RASA1: variants seen among roughly 807,000 people sequenced by gnomAD.
The protein encoded by RASA1 is RAS p21 protein activator 1.
A neutral mutation model predicts 132.2 loss-of-function variants in RASA1; 25 were observed. The observed-to-expected ratio is 0.19, with a 90% confidence interval of 0.14 to 0.26. The LOEUF (loss-of-function observed/expected upper bound fraction) is 0.26. Among genes scored for constraint, RASA1 ranks in the 10% least tolerant of loss-of-function variants. RASA1 has a pLI of 1.00. For synonymous variants in RASA1, 477 were observed against 449.9 expected, an observed-to-expected ratio of 1.06 and a Z score of -0.76; for missense variants, 964 against 1,299.2, an observed-to-expected ratio of 0.74 and a Z score of 3.97.
At chr5:87,308,641 AAC>A (rs1352901665) in intron 1 of RASA1, among the ~76,000 whole-genome samples, 1 of 152,216 alleles carries the variant, frequency 6.6e-6, no homozygotes, top group African/African-American at 2.4e-5. Context: ...GCATTTGTAT[AAC>A]ACATAAGTAT....
chr5:87,312,233 G>T (rs1263195197), intron 1 of RASA1, among the ~76,000 whole-genome samples: 1 of 152,152 alleles, frequency 6.6e-6, no homozygotes, highest in Non-Finnish European at 1.5e-5. Flanking sequence ...GTAAGTAATA[G>T]TCTTCATATA....
chr5:87,367,827 G>A (rs1467157109), intron 11 of RASA1, among the ~76,000 whole-genome samples: 5 of 151,884 alleles, frequency 3.3e-5, no homozygotes, highest in Admixed American at 6.6e-5. Context: ...CAACATTTTC[G>A]TTGTCATTCA....
chr5:87,287,597 T>C (rs879335030), intron 1 of RASA1, among the ~76,000 whole-genome samples: 1 of 148,910 alleles, frequency 6.7e-6, no homozygotes, highest in Admixed American at 6.7e-5. Context: ...ACACCATACA[T>C]ATACACGCCA....
Position 87,292,809 on chromosome 5 carries a change from T to C in RASA1, c.539+23819T>C, listed in dbSNP as rs143431376. On this transcript the variant is annotated intron_variant, in intron 1 of 24. Coordinates refer to ENST00000274376, the MANE Select transcript of RASA1 (RefSeq NM_002890.3). Reference sequence around the variant, plus strand: ...GTATCTCTGCATTTATTTAGTTCTTTGTTATCTTCCATCATAGTTTTGTAG... The same window carrying C: ...GTATCTCTGCATTTATTTAGTTCTTCGTTATCTTCCATCATAGTTTTGTAG... 5.8e-3 allele frequency among the ~76,000 whole-genome samples: 890 copies of C among 152,320 alleles called. 4 individuals carry two copies. The highest frequency in any genetic ancestry group is 0.019 in the African/African-American group (803 of 41,576).
At chr5:87,330,777 A>G (rs1580278148) in intron 1 of RASA1, among the ~76,000 whole-genome samples, 2 of 152,210 alleles carry the variant, frequency 1.3e-5, no homozygotes, top group African/African-American at 4.8e-5. Context: ...TGCAAATGTA[A>G]AATGTATAGT....
At chr5:87,374,042 A>G (rs940511665) in intron 13 of RASA1, 121 bp from the exon 14 acceptor site, 12 of 864,058 alleles carry the variant, frequency 1.4e-5, no homozygotes, top group East Asian at 4.7e-5. Context: ...ACATTTTCTG[A>G]AAAAAAAGGG....
intron 1 of RASA1, among the ~76,000 whole-genome samples, chr5:87,297,149 T>TA (rs1277619184): frequency 2.6e-5 from 4 of 152,222 alleles, no homozygotes; most frequent in Non-Finnish European, 1.5e-5. Flanking sequence ...TTTCTCTGCT[T>TA]ACATTGTCTA....
intron 1 of RASA1, among the ~76,000 whole-genome samples, chr5:87,325,460 T>G (rs1383167556): frequency 6.6e-6 from 1 of 152,364 alleles, no homozygotes; most frequent in East Asian, 1.9e-4. Context: ...CAATTTAGTT[T>G]TAGAAGACAC....
Position 87,278,500 on chromosome 5 carries a change from C to G in RASA1, c.539+9510C>G, listed in dbSNP as rs192981799. Among the ~76,000 whole-genome samples, 44 of 152,012 alleles carry G rather than the reference C, an allele frequency of 2.9e-4. No homozygotes were observed. In the Middle Eastern group the frequency reaches 0.017, roughly 59 times the overall value. ...GGCAGAGTTTGCAGTGAGCCGAGAT[C>G]ATGCCACTGCACTCCAGCCTGGGCG... On this transcript the variant is annotated intron_variant, in intron 1 of 24. Transcript: ENST00000274376.
At position 87,338,087 on chromosome 5, in the gene RASA1, A is replaced by T. The variant is rs1348489366; in HGVS notation, c.1013A>T (p.Glu338Val). ...CTTATTGTTGAAGACCTAGTAGAAG[A>T]GGTGGTAAGTTTTGTTCTTTTCTTC... is the stretch of plus-strand genomic sequence containing the variant. ...QGLIVEDLVE[E>V]VGREEDPHEG... Residue 338 changes from glutamate to valine, a missense_variant, in exon 5 of 25, where the codon GAG (glutamate) becomes GTG (valine). Transcript: ENST00000274376. The T allele has an allele frequency of 1.9e-6, 3 of 1,612,108 alleles. No homozygotes were observed. In the Admixed American group the frequency reaches 5.0e-5, roughly 27 times the overall value.
chr5:87,380,639 G>A (rs376341859), intron 20 of RASA1, 44 bp downstream of exon 20: 8 of 1,479,968 alleles, frequency 5.4e-6, no homozygotes, highest in Non-Finnish European at 7.6e-6. Flanking sequence ...ACTAATAGGT[G>A]GATAATTGTG....
intron 12 of RASA1, among the ~76,000 whole-genome samples, chr5:87,371,884 TCAAA>T (rs1760969294): frequency 2.6e-5 from 4 of 152,156 alleles, no homozygotes; most frequent in African/African-American, 4.8e-5. Context: ...ATACATAAAT[TCAAA>T]CAAAGATTTA....
chr5:87,273,234 C>G (rs1753922616), intron 1 of RASA1, among the ~76,000 whole-genome samples: 1 of 152,050 alleles, frequency 6.6e-6, no homozygotes, highest in Non-Finnish European at 1.5e-5. Flanking sequence ...TATTACTGAG[C>G]ATTTTCATTA....
intron 1 of RASA1, among the ~76,000 whole-genome samples, chr5:87,280,030 C>G (rs1342754686): frequency 6.6e-6 from 1 of 152,192 alleles, no homozygotes; most frequent in African/African-American, 2.4e-5. Context: ...TGCCTGAGGG[C>G]AAAAGCAAAA....
intron 1 of RASA1, among the ~76,000 whole-genome samples, chr5:87,280,798 C>G (rs1754283426): frequency 6.6e-6 from 1 of 151,844 alleles, no homozygotes; most frequent in Non-Finnish European, 1.5e-5. Flanking sequence ...ACTCTGTCGC[C>G]CAGGCTGGAG....
intron 1 of RASA1, among the ~76,000 whole-genome samples, chr5:87,276,799 T>C (rs1467128051): frequency 6.6e-6 from 1 of 152,164 alleles, no homozygotes; most frequent in African/African-American, 2.4e-5. Context: ...CAAATTGTAG[T>C]CAAGTTGTTA....
chr5:87,300,720 G>T (rs1160348917), intron 1 of RASA1, among the ~76,000 whole-genome samples: 2 of 152,034 alleles, frequency 1.3e-5, no homozygotes, highest in African/African-American at 2.4e-5. Context: ...TATTAGAAGA[G>T]CTTTTTATAT....
At chr5:87,269,165 A>G (rs1002334264) in intron 1 of RASA1, 175 bp downstream of exon 1, 8 of 1,612,012 alleles carry the variant, frequency 5.0e-6, no homozygotes, top group Non-Finnish European at 5.1e-6. Context: ...TTACAGGCAT[A>G]CTACCTGGCG....
intron 8 of RASA1, among the ~76,000 whole-genome samples, chr5:87,351,781 T>A (rs1759298142): frequency 6.6e-6 from 1 of 151,792 alleles, no homozygotes; most frequent in Admixed American, 6.6e-5. Flanking sequence ...CCTATCTGAT[T>A]GGTTGCCACA....
Sources: gnomAD v4.1 joint callset for allele counts (sites outside exome capture counted in the v4.1 genomes callset) on GRCh38, gnomAD v4.1.1 for gene constraint, MANE v1.5 for transcripts, NCBI Gene and HGNC (gene_info 2026-07-23, HGNC 2026-07-21) for gene names.